Variants in WDR49 observed in about 807,000 individuals in gnomAD.
The protein encoded by WDR49 is cilia- and flagella-associated protein 337.
In WDR49, 107 loss-of-function variants were observed where a neutral mutation model predicts 119.5. That is an observed-to-expected ratio of 0.90 (90% CI 0.77 to 1.05). WDR49 has a LOEUF of 1.05. WDR49 is among the 50% of genes least tolerant of loss of function. The pLI is 0.00. For synonymous variants in WDR49, 425 were observed against 418.8 expected (o/e 1.01, Z -0.18); for missense variants, 1,240 against 1,220.5 (o/e 1.02, Z -0.24).
chr3:167,619,902 C>T (rs1161394233), intron 5 of WDR49, among the ~76,000 whole-genome samples: 1 of 151,636 alleles, frequency 6.6e-6, no homozygotes, highest in Non-Finnish European at 1.5e-5. Flanking sequence ...GATTTTATAA[C>T]ATAGTCTTAT....
intron 18 of WDR49, 105 bp downstream of exon 18, chr3:167,500,048 A>C (rs1751498471): frequency 1.5e-6 from 2 of 1,294,000 alleles, no homozygotes; most frequent in Non-Finnish European, 2.0e-6. Context: ...TTCACTGCAA[A>C]CTACAAGACA....
rs772288317 is a variant in WDR49 at position 167,505,349 on chromosome 3, T to G, written c.2842A>C (p.Thr948Pro). 1 of 1,538,286 alleles carries G rather than the reference T, an allele frequency of 6.5e-7. No individual in the cohort carries two copies. The highest frequency in any genetic ancestry group is 1.3e-5 in the South Asian group (1 of 77,408). ...YKERSTCMKE[T>P]QKPYYGEVIK... ...ACTTCACCATAATAAGGTTTTTGTG[T>G]TTCTTTCATGCAGGTACTTCTTTCC... The change falls in exon 17 of 19, where the codon ACA (threonine) becomes CCA (proline). Residue 948 changes from threonine to proline, a missense_variant. By Grantham distance (38) the Thr-to-Pro change is conservative (BLOSUM62 -1). Transcript: ENST00000682715.
At chr3:167,555,426 G>A (rs1052630608) in intron 9 of WDR49, among the ~76,000 whole-genome samples, 1 of 152,132 alleles carries the variant, frequency 6.6e-6, no homozygotes, top group African/African-American at 2.4e-5. Context: ...TAAGTCAAGT[G>A]TTTCCCTGAG....
intron 16 of WDR49, among the ~76,000 whole-genome samples, chr3:167,513,924 A>G (rs368213482): frequency 2.1e-4 from 32 of 152,364 alleles, no homozygotes; most frequent in East Asian, 1.9e-3. Context: ...TGCTAAATAT[A>G]TATGCACCCA....
chr3:167,609,089 A>G (rs1336401946), intron 5 of WDR49, among the ~76,000 whole-genome samples: 1 of 152,174 alleles, frequency 6.6e-6, no homozygotes, highest in Admixed American at 6.5e-5. Flanking sequence ...GTAAGATAAA[A>G]TAAGGCACTC....
chr3:167,657,887 G>A (rs139428554), upstream of WDR49, among the ~76,000 whole-genome samples: 78 of 152,326 alleles, frequency 5.1e-4, no homozygotes, highest in African/African-American at 1.9e-3. Context: ...CTGGCTCTGT[G>A]TAAAGGAACC....
At chr3:167,575,280 C>CA in intron 8 of WDR49, 1 of 985,854 alleles carries the variant, frequency 1.0e-6, no homozygotes, top group Non-Finnish European at 1.2e-6. Context: ...CCCTGTCCTC[C>CA]AAGAAGGGCT....
intron 15 of WDR49, among the ~76,000 whole-genome samples, chr3:167,527,346 A>G (rs1328384316): frequency 6.6e-6 from 1 of 152,158 alleles, no homozygotes; most frequent in Non-Finnish European, 1.5e-5. Flanking sequence ...CGTACACAAG[A>G]AAAACTCAGC....
intron 2 of WDR49, among the ~76,000 whole-genome samples, chr3:167,649,514 T>C (rs148694184): frequency 2.4e-3 from 365 of 152,308 alleles, no homozygotes; most frequent in Non-Finnish European, 4.0e-3. Flanking sequence ...AGGATGAGAA[T>C]ATCAAAATTC....
chr3:167,585,686 C>T (rs1446814428), intron 7 of WDR49, among the ~76,000 whole-genome samples: 1 of 151,690 alleles, frequency 6.6e-6, no homozygotes, highest in Non-Finnish European at 1.5e-5. Context: ...TGTATTTGTT[C>T]ACACTCAAAG....
intron 18 of WDR49, 57 bp downstream of exon 18, chr3:167,500,096 A>G: frequency 6.8e-7 from 1 of 1,471,534 alleles, no homozygotes; most frequent in Non-Finnish European, 9.0e-7. Context: ...CTCTATTTTT[A>G]AATGACTAAG....
intron 7 of WDR49, among the ~76,000 whole-genome samples, chr3:167,601,108 A>G (rs1715748370): frequency 6.6e-6 from 1 of 152,178 alleles, no homozygotes; most frequent in African/African-American, 2.4e-5. Flanking sequence ...GAGGAAAAGA[A>G]GATAAGATTT....
At chr3:167,646,499 G>A (rs541461519) in intron 2 of WDR49, among the ~76,000 whole-genome samples, 1 of 152,128 alleles carries the variant, frequency 6.6e-6, no homozygotes, top group African/African-American at 2.4e-5. Context: ...CATGAGAAAG[G>A]GTTCGAAGCA....
At chr3:167,574,829 A>T (rs531327551) in intron 8 of WDR49, among the ~76,000 whole-genome samples, 1 of 152,344 alleles carries the variant, frequency 6.6e-6, no homozygotes, top group Non-Finnish European at 1.5e-5. Flanking sequence ...CTCAGTGGCC[A>T]CCAGGGAGTC....
At chr3:167,577,955 G>C (rs914761468) in intron 7 of WDR49, among the ~76,000 whole-genome samples, 1 of 152,042 alleles carries the variant, frequency 6.6e-6, no homozygotes, top group African/African-American at 2.4e-5. Context: ...TGGGTACATA[G>C]ACACACCTCA....
chr3:167,526,567 C>G (rs917194563), intron 15 of WDR49, among the ~76,000 whole-genome samples: 4 of 152,136 alleles, frequency 2.6e-5, no homozygotes, highest in African/African-American at 7.2e-5. Flanking sequence ...TGTATGAGTT[C>G]CCACTTAGCC....
rs1292185566 is a variant in WDR49, at chr3:167,627,161, G to A, written c.297C>T (p.Gly99=). The change falls in exon 3 of 19, where the codon GGC becomes GGT. Residue 99 remains glycine (G), a synonymous_variant. Coordinates refer to ENST00000682715, the MANE Select transcript of WDR49 (RefSeq NM_001366157.1). ...LFDKVDVAQD[G]FINWDKLTSF... ...AAGTCAGCTTGTCCCAATTAATGAA[G>A]CCATCTTGGGCCACATCCACTTTGT... The A allele has an allele frequency of 1.5e-5, 19 of 1,258,116 alleles. No individual in the cohort carries two copies. Among genetic ancestry groups the A allele is most frequent in the African/African-American group, 1.5e-5 (1 of 64,946 alleles). 77.9% of individuals were successfully genotyped at this position (1,258,116 alleles called of 1,614,324 possible).
intron 9 of WDR49, among the ~76,000 whole-genome samples, chr3:167,559,687 C>T (rs1364599772): frequency 6.6e-6 from 1 of 151,984 alleles, no homozygotes; most frequent in Admixed American, 6.6e-5. Context: ...GTTAAGTGTT[C>T]CTGATTTCTC....
At chr3:167,516,360 T>C (rs1251012318) in intron 16 of WDR49, among the ~76,000 whole-genome samples, 1 of 151,818 alleles carries the variant, frequency 6.6e-6, no homozygotes, top group Non-Finnish European at 1.5e-5. Flanking sequence ...TTTGGTTTTT[T>C]GTCCTTGCAA....
Sources: allele counts gnomAD v4.1 joint callset (sites outside exome capture counted in the v4.1 genomes callset), GRCh38; gene constraint gnomAD v4.1.1; transcripts MANE v1.5; gene names NCBI Gene and HGNC (gene_info 2026-07-23, HGNC 2026-07-21).